Variants in IPMK observed in about 807,000 individuals in gnomAD.
The protein encoded by IPMK is inositol 1,3,4,6-tetrakisphosphate 5-kinase.
Under a neutral mutation model 45.8 loss-of-function variants are expected in IPMK, and 17 were observed. The observed-to-expected ratio is 0.37, with a 90% CI of 0.25 to 0.56. The LOEUF is 0.56. Among genes scored for constraint, IPMK ranks in the 20% least tolerant of loss-of-function variants. The pLI, the probability that IPMK is intolerant of heterozygous loss-of-function variation, is 0.79. For synonymous variants in IPMK, 180 were observed against 184.3 expected, an observed-to-expected ratio of 0.98 and a Z score of 0.19; for missense variants, 399 against 498.0, an observed-to-expected ratio of 0.80 and a Z score of 1.89.
intron 2 of IPMK, among the ~76,000 whole-genome samples, chr10:58,230,291 G>A (rs1838493481): frequency 6.6e-6 from 1 of 152,238 alleles, no homozygotes; most frequent in African/African-American, 2.4e-5. Flanking sequence ...CAGTTCTGAA[G>A]AGAGCAGTGG....
intron 1 of IPMK, among the ~76,000 whole-genome samples, chr10:58,263,818 T>C (rs189923144): frequency 3.5e-4 from 53 of 152,340 alleles, no homozygotes; most frequent in African/African-American, 1.2e-3. Flanking sequence ...AAAAGTATCA[T>C]CTGAATCCCA....
chr10:58,265,803 G>A (rs1164466184), intron 1 of IPMK, among the ~76,000 whole-genome samples: 1 of 152,086 alleles, frequency 6.6e-6, no homozygotes, highest in Non-Finnish European at 1.5e-5. Context: ...CACTCTGAAT[G>A]GGATCACTAT....
chr10:58,197,300 AAAAT>A (rs200761885), intron 5 of IPMK, among the ~76,000 whole-genome samples: 21 of 83,304 alleles, frequency 2.5e-4, no homozygotes, highest in African/African-American at 3.8e-4. Flanking sequence ...CTCCGTCTCA[AAAAT>A]AAATAAATAA....
chr10:58,263,485 C>A (rs574753729), intron 1 of IPMK, among the ~76,000 whole-genome samples: 90 of 150,790 alleles, frequency 6.0e-4, no homozygotes, highest in African/African-American at 2.2e-3. Context: ...GACCGCGCCA[C>A]TGTTCTCCAG....
chr10:58,258,649 G>T (rs867631478), intron 1 of IPMK, among the ~76,000 whole-genome samples: 6 of 152,074 alleles, frequency 3.9e-5, no homozygotes, highest in African/African-American at 7.2e-5. Flanking sequence ...ATGGAAATTA[G>T]AAAGTATTTT....
At chr10:58,230,910 A>T (rs1352347408) in intron 2 of IPMK, among the ~76,000 whole-genome samples, 2 of 152,192 alleles carry the variant, frequency 1.3e-5, no homozygotes, top group African/African-American at 4.8e-5. Context: ...AACCCATCGT[A>T]AGGAAGCTAA....
chr10:58,235,643 C>T (rs1359024569), intron 2 of IPMK, among the ~76,000 whole-genome samples: 1 of 152,094 alleles, frequency 6.6e-6, no homozygotes, highest in African/African-American at 2.4e-5. Context: ...AGGGGAACAT[C>T]ACGCACCGGG....
intron 4 of IPMK, among the ~76,000 whole-genome samples, chr10:58,205,381 A>G (rs1046391728): frequency 1.3e-5 from 2 of 152,212 alleles, no homozygotes; most frequent in African/African-American, 4.8e-5. Context: ...AAGAAGACAT[A>G]TGTAGTCAAA....
intron 1 of IPMK, among the ~76,000 whole-genome samples, chr10:58,250,400 A>AT (rs1338541282): frequency 6.8e-6 from 1 of 146,526 alleles, no homozygotes; most frequent in Non-Finnish European, 1.5e-5. Context: ...TTTTGGTTAA[A>AT]TTTTTTCCTA....
At chr10:58,218,231 G>A (rs1174871435) in intron 3 of IPMK, among the ~76,000 whole-genome samples, 1 of 152,134 alleles carries the variant, frequency 6.6e-6, no homozygotes, top group Non-Finnish European at 1.5e-5. Flanking sequence ...ACAATTTCAG[G>A]ATAAGAGAAA....
At position 58,239,000 on chromosome 10, in the gene IPMK, T is replaced by A. The variant is rs1222104783; in HGVS notation, c.191-1186A>T. ...TCTACAAAACATTTAAAAAAGAAAATTAGCTGGGCATGGTGGCATGTGTCT... is the reference window on the plus strand; with the variant it reads ...TCTACAAAACATTTAAAAAAGAAAAATAGCTGGGCATGGTGGCATGTGTCT... On this transcript the variant is annotated intron_variant, in intron 1 of 5. Coordinates refer to ENST00000373935, the MANE Select transcript of IPMK (RefSeq NM_152230.5). Among the ~76,000 whole-genome samples the A allele has an allele frequency of 2.0e-5, 3 of 151,882 alleles. No homozygotes were observed. In the East Asian group the frequency reaches 5.8e-4, roughly 29 times the overall value.
rs370190337 is a variant in IPMK at position 58,237,823 on chromosome 10, C to G, written c.191-9G>C. The stretch of plus-strand genomic sequence containing the variant: ...TGGATGTTGCAGTATACCTATGGAA[C>G]AAAAATCAGAAATTGTTTAATGCTT... On this transcript the variant is annotated splice_polypyrimidine_tract_variant and intron_variant, in intron 1 of 5. Transcript: ENST00000373935. 17 of 1,603,152 alleles carry G rather than the reference C, an allele frequency of 1.1e-5. No homozygotes were observed. In the Admixed American group the frequency reaches 2.8e-4, roughly 27 times the overall value.
At chr10:58,254,273 C>T (rs1838931028) in intron 1 of IPMK, among the ~76,000 whole-genome samples, 1 of 152,132 alleles carries the variant, frequency 6.6e-6, no homozygotes, top group Non-Finnish European at 1.5e-5. Flanking sequence ...ATAGCTTCTA[C>T]CCTCAAGCTC....
At chr10:58,259,176 G>A (rs1564541732) in intron 1 of IPMK, among the ~76,000 whole-genome samples, 1 of 152,130 alleles carries the variant, frequency 6.6e-6, no homozygotes, top group Non-Finnish European at 1.5e-5. Context: ...CACACCTAGT[G>A]GCCAGACCAT....
intron 3 of IPMK, among the ~76,000 whole-genome samples, chr10:58,220,389 T>C (rs1483879371): frequency 6.6e-6 from 1 of 152,194 alleles, no homozygotes; most frequent in Non-Finnish European, 1.5e-5. Flanking sequence ...CTTAATCATG[T>C]TCAAGTTCAT....
At chr10:58,261,528 C>A (rs999298184) in intron 1 of IPMK, among the ~76,000 whole-genome samples, 1 of 150,310 alleles carries the variant, frequency 6.7e-6, no homozygotes, top group Non-Finnish European at 1.5e-5. Context: ...ACTACTACTG[C>A]GAAAAGGGAG....
intron 2 of IPMK, among the ~76,000 whole-genome samples, chr10:58,229,864 C>T (rs1439954950): frequency 6.6e-6 from 1 of 152,082 alleles, no homozygotes; most frequent in African/African-American, 2.4e-5. Flanking sequence ...GTGGGTCCCT[C>T]ACCAGGGAAG....
chr10:58,200,960 T>C (rs780196461), intron 4 of IPMK, among the ~76,000 whole-genome samples: 1 of 152,212 alleles, frequency 6.6e-6, no homozygotes, highest in African/African-American at 2.4e-5. Context: ...ATCATTTCTA[T>C]GTGTTCACAG....
At chr10:58,205,964 G>T (rs971651207) in intron 4 of IPMK, among the ~76,000 whole-genome samples, 5 of 152,142 alleles carry the variant, frequency 3.3e-5, no homozygotes, top group Non-Finnish European at 1.5e-5. Context: ...GAATCTACCT[G>T]AGAGAAATAA....
Sources: gnomAD v4.1 joint callset for allele counts (sites outside exome capture counted in the v4.1 genomes callset) on GRCh38, gnomAD v4.1.1 for gene constraint, MANE v1.5 for transcripts, NCBI Gene and HGNC (gene_info 2026-07-23, HGNC 2026-07-21) for gene names.